Variants in FRMD4B observed in about 807,000 individuals in gnomAD.
FRMD4B encodes the protein FERM domain-containing protein 4B.
In FRMD4B, 74 loss-of-function variants were observed where a neutral mutation model predicts 141.5. The observed-to-expected ratio is 0.52, with a 90% CI of 0.43 to 0.63. The LOEUF (loss-of-function observed/expected upper bound fraction) is 0.63, where lower values mean the gene tolerates loss of function less well. FRMD4B is among the 30% of genes least tolerant of loss of function. FRMD4B has a pLI of 0.00. For synonymous variants in FRMD4B, 506 were observed against 467.9 expected, an observed-to-expected ratio of 1.08 and a Z score of -1.05; for missense variants, 1,366 against 1,253.4, an observed-to-expected ratio of 1.09 and a Z score of -1.36.
chr3:69,498,292 T>C (rs1001492307), intron 1 of FRMD4B, among the ~76,000 whole-genome samples: 27 of 152,194 alleles, frequency 1.8e-4, no homozygotes, highest in African/African-American at 6.0e-4. Context: ...AAGTTTACAT[T>C]GATTGAACTT....
chr3:69,170,996 A>G lies in FRMD4B; in HGVS notation c.*865T>C, dbSNP rs2092581118. 1 of 152,162 alleles carries G rather than the reference A, an allele frequency of 6.6e-6. No homozygotes were observed. The highest frequency in any genetic ancestry group is 1.5e-5 in the Non-Finnish European group (1 of 68,032). 9.4% of individuals were successfully genotyped at this position (152,162 alleles called of 1,614,324 possible). A position where few individuals can be genotyped will look rare whatever the true frequency, so the allele number is the denominator to read the frequency against. On this transcript the variant is annotated 3_prime_UTR_variant, in exon 23 of 23. Coordinates refer to ENST00000398540, the MANE Select transcript of FRMD4B (RefSeq NM_015123.3). ...CTTAAAATGCTTTTTCAAACTCATA[A>G]TTATAAAAACTTTCCATATTAAGTC...
intron 5 of FRMD4B, among the ~76,000 whole-genome samples, chr3:69,250,983 G>A (rs541573405): frequency 6.6e-6 from 1 of 152,078 alleles, no homozygotes; most frequent in Non-Finnish European, 1.5e-5. Context: ...TGTGCAGAAA[G>A]GGTATAGCTC....
intron 1 of FRMD4B, among the ~76,000 whole-genome samples, chr3:69,378,704 A>G (rs899888949): frequency 1.3e-5 from 2 of 151,994 alleles, no homozygotes; most frequent in African/African-American, 2.4e-5. Context: ...CCCCACAAAG[A>G]TCTCCCCATA....
intron 11 of FRMD4B, among the ~76,000 whole-genome samples, chr3:69,204,815 A>G (rs1176119153): frequency 6.6e-6 from 1 of 152,188 alleles, no homozygotes; most frequent in Non-Finnish European, 1.5e-5. Context: ...TGTTGCATCT[A>G]TTATCTTATG....
intron 1 of FRMD4B, among the ~76,000 whole-genome samples, chr3:69,314,638 C>T (rs1025864294): frequency 1.3e-4 from 19 of 151,782 alleles, no homozygotes; most frequent in Non-Finnish European, 2.7e-4. Context: ...AGTTTGAGAC[C>T]AGCCTGGTCA....
chr3:69,532,217 C>T (rs944352306), intron 1 of FRMD4B, among the ~76,000 whole-genome samples: 4 of 152,164 alleles, frequency 2.6e-5, no homozygotes, highest in African/African-American at 7.2e-5. Context: ...CTGAATAAGC[C>T]ACACTCTCTT....
chr3:69,362,521 T>C (rs897768736), intron 1 of FRMD4B, among the ~76,000 whole-genome samples: 10 of 151,998 alleles, frequency 6.6e-5, no homozygotes, highest in African/African-American at 1.9e-4. Flanking sequence ...CTACTAAAAG[T>C]ACAAAATTAG....
chr3:69,425,359 T>C (rs982845482), intron 2 of FRMD4B, among the ~76,000 whole-genome samples: 3 of 152,296 alleles, frequency 2.0e-5, no homozygotes, highest in Non-Finnish European at 4.4e-5. Context: ...TGCTCATTAG[T>C]TCACGAACAC....
intron 1 of FRMD4B, among the ~76,000 whole-genome samples, chr3:69,439,566 C>T (rs1028638192): frequency 1.2e-4 from 18 of 152,122 alleles, no homozygotes; most frequent in African/African-American, 4.3e-4. Flanking sequence ...ATTTTGTCCC[C>T]CACAAAATAC....
At chr3:69,225,692 CTCAAAAAAAAAAAA>C (rs1559732953) in intron 7 of FRMD4B, among the ~76,000 whole-genome samples, 4 of 67,146 alleles carry the variant, frequency 6.0e-5, no homozygotes, top group Non-Finnish European at 9.7e-5. Context: ...AAGACTCCGT[CTCAAAAAAAAAAAA>C]AAAAAAAAAA....
At chr3:69,392,029 A>G (rs895799042) in intron 2 of FRMD4B, among the ~76,000 whole-genome samples, 1 of 152,262 alleles carries the variant, frequency 6.6e-6, no homozygotes, top group African/African-American at 2.4e-5. Context: ...GGCAATCAAT[A>G]AATGTTTATT....
At chr3:69,247,964 A>C (rs1318885946) in intron 7 of FRMD4B, among the ~76,000 whole-genome samples, 2 of 135,814 alleles carry the variant, frequency 1.5e-5, no homozygotes. Context: ...GCTAATTTTT[A>C]TATTTGTAGT....
chr3:69,201,908 G>A (rs1280054957), intron 11 of FRMD4B, among the ~76,000 whole-genome samples: 1 of 152,126 alleles, frequency 6.6e-6, no homozygotes, highest in Non-Finnish European at 1.5e-5. Context: ...GAGAGGGGCT[G>A]GGCGTGGTGG....
chr3:69,484,141 G>A (rs17685200), intron 1 of FRMD4B, among the ~76,000 whole-genome samples: 16,655 of 152,210 alleles, frequency 0.11, 1,012 homozygotes, highest in South Asian at 0.19. Context: ...AGCAAGGGAT[G>A]GGAGGTTAAA....
At chr3:69,451,527 T>C (rs1357270481) in intron 1 of FRMD4B, among the ~76,000 whole-genome samples, 1 of 152,206 alleles carries the variant, frequency 6.6e-6, no homozygotes, top group Non-Finnish European at 1.5e-5. Flanking sequence ...CTTCTCTTTA[T>C]AGGTATGAAA....
chr3:69,472,237 G>T, intron 1 of FRMD4B: 1 of 315,616 alleles, frequency 3.2e-6, no homozygotes. Flanking sequence ...ATGAGAGACT[G>T]TGAGTTCAGC....
intron 2 of FRMD4B, among the ~76,000 whole-genome samples, chr3:69,413,726 C>T (rs6549218): frequency 0.3 from 46,180 of 151,956 alleles, 7,253 homozygotes; most frequent in East Asian, 0.44. Context: ...GGGAATGTGA[C>T]GCATTCACCA....
At chr3:69,230,579 C>T (rs994589088) in intron 7 of FRMD4B, among the ~76,000 whole-genome samples, 16 of 151,700 alleles carry the variant, frequency 1.1e-4, no homozygotes, top group Admixed American at 8.6e-4. Context: ...AACCCCACCT[C>T]TATTAAAAAA....
At position 69,302,356 on chromosome 3, in the gene FRMD4B, G is replaced by A. The variant is rs373105703; in HGVS notation, c.403C>T (p.His135Tyr). Residue 135 changes from histidine to tyrosine, a missense_variant, in exon 4 of 23, where the codon CAC (histidine) becomes TAC (tyrosine). Transcript: ENST00000398540. The part of the protein sequence containing the change: ...LPKKPGPTIL[H>Y]FAVRFYIESI... ...GTGGATACATACCTCACAGCAAAGTGCAAAATGGTTGGGCCTGGTTTCTTG... is the reference window on the plus strand; with the variant it reads ...GTGGATACATACCTCACAGCAAAGTACAAAATGGTTGGGCCTGGTTTCTTG... 41 of 1,597,108 alleles carry A rather than the reference G, an allele frequency of 2.6e-5. No individual in the cohort carries two copies. In the African/African-American group the frequency reaches 4.2e-4, roughly 16 times the overall value.
Sources: gnomAD v4.1 joint callset for allele counts (sites outside exome capture counted in the v4.1 genomes callset) on GRCh38, gnomAD v4.1.1 for gene constraint, MANE v1.5 for transcripts, NCBI Gene and HGNC (gene_info 2026-07-23, HGNC 2026-07-21) for gene names.